Variants in ENTREP2 observed in about 807,000 individuals in gnomAD.
ENTREP2 encodes the protein endosomal transmembrane epsin interactor 2.
chr15:29,604,537 A>ATTATG, the ENTREP2 span, among the ~76,000 whole-genome samples: 354 of 152,344 alleles, frequency 2.3e-3, 3 homozygotes, highest in African/African-American at 8.0e-3. Context: ...TTTCAAGGTA[A>ATTATG]TTATAAATCC....
the ENTREP2 span, among the ~76,000 whole-genome samples, chr15:29,310,056 T>C: frequency 1.3e-5 from 2 of 151,910 alleles, no homozygotes; most frequent in Admixed American, 1.3e-4. Context: ...CAGACAAACA[T>C]CTTATGAGTG....
chr15:29,158,876 G>C, the ENTREP2 span, among the ~76,000 whole-genome samples: 39,779 of 152,038 alleles, frequency 0.26, 5,541 homozygotes, highest in Non-Finnish European at 0.31. Flanking sequence ...AAAAGTTTTA[G>C]ATACTTGGGC....
the ENTREP2 span, among the ~76,000 whole-genome samples, chr15:29,189,973 GA>G: frequency 1.3e-5 from 2 of 152,344 alleles, no homozygotes; most frequent in South Asian, 4.1e-4. Context: ...GGCAGATACT[GA>G]AATCCTAATT....
the ENTREP2 span, among the ~76,000 whole-genome samples, chr15:29,136,096 G>A: frequency 6.6e-6 from 1 of 152,244 alleles, no homozygotes; most frequent in East Asian, 1.9e-4. Context: ...GGGTTCCCCA[G>A]GCCCGGGCTG....
chr15:29,439,157 A>T, the ENTREP2 span, among the ~76,000 whole-genome samples: 1 of 152,080 alleles, frequency 6.6e-6, no homozygotes, highest in Non-Finnish European at 1.5e-5. Flanking sequence ...CGATCCAATC[A>T]CTCTGAGCTA....
the ENTREP2 span, among the ~76,000 whole-genome samples, chr15:29,348,571 C>T: frequency 1.3e-5 from 2 of 152,064 alleles, no homozygotes; most frequent in African/African-American, 4.8e-5. Context: ...GTGGAGTCTT[C>T]GGAGCATTTC....
At chr15:29,412,090 T>A in the ENTREP2 span, among the ~76,000 whole-genome samples, 3 of 152,098 alleles carry the variant, frequency 2.0e-5, no homozygotes, top group Non-Finnish European at 4.4e-5. Context: ...GGTTGTTAAG[T>A]CTTACCCTCC....
At chr15:29,580,439 A>C in the ENTREP2 span, among the ~76,000 whole-genome samples, 1 of 152,204 alleles carries the variant, frequency 6.6e-6, no homozygotes, top group South Asian at 2.1e-4. Flanking sequence ...AGCAAACACT[A>C]AGTGCCAGTT....
the ENTREP2 span, among the ~76,000 whole-genome samples, chr15:29,168,514 C>T: frequency 6.6e-6 from 1 of 152,070 alleles, no homozygotes; most frequent in African/African-American, 2.4e-5. Context: ...AGATCTAGGA[C>T]TGTTTAATTT....
chr15:29,377,823 A>AAATAATAATAATAAT, the ENTREP2 span, among the ~76,000 whole-genome samples: 11,977 of 112,774 alleles, frequency 0.11, 750 homozygotes, highest in Non-Finnish European at 0.12. Flanking sequence ...TCTGTCTCAA[A>AAATAATAATAATAAT]AATAATAATA....
the ENTREP2 span, among the ~76,000 whole-genome samples, chr15:29,604,581 T>C: frequency 1.3e-5 from 2 of 152,222 alleles, no homozygotes; most frequent in Non-Finnish European, 2.9e-5. Context: ...CAAGGAATTA[T>C]AATATCTAGC....
chr15:29,660,190 G>A, the ENTREP2 span, among the ~76,000 whole-genome samples: 2 of 152,196 alleles, frequency 1.3e-5, no homozygotes, highest in African/African-American at 4.8e-5. Flanking sequence ...ATAAATAAAT[G>A]CAAGGATCTT....
At chr15:29,658,254 AT>A in the ENTREP2 span, among the ~76,000 whole-genome samples, 1 of 151,954 alleles carries the variant, frequency 6.6e-6, no homozygotes, top group East Asian at 1.9e-4. Context: ...CTGGGCACTC[AT>A]TTTTTTCTCT....
At chr15:29,647,842 C>CAAG in the ENTREP2 span, among the ~76,000 whole-genome samples, 1 of 152,096 alleles carries the variant, frequency 6.6e-6, no homozygotes. Context: ...ACCATTTTGC[C>CAAG]AAGAGGTGGG....
the ENTREP2 span, among the ~76,000 whole-genome samples, chr15:29,154,645 C>T: frequency 1.2e-4 from 18 of 152,150 alleles, no homozygotes; most frequent in East Asian, 1.7e-3. Flanking sequence ...CAAGAGGAGA[C>T]GGGGAATGCC....
chr15:29,264,778 T>G, the ENTREP2 span, among the ~76,000 whole-genome samples: 3 of 152,190 alleles, frequency 2.0e-5, no homozygotes, highest in Admixed American at 2.0e-4. Flanking sequence ...TGAGGTTATC[T>G]CTAAGTAAAT....
the ENTREP2 span, chr15:29,452,526 G>T: frequency 1.3e-5 from 2 of 152,202 alleles, no homozygotes; most frequent in Non-Finnish European, 2.9e-5. Context: ...GGTAGTATCT[G>T]GCCTATCAGA....
At chr15:29,275,690 A>C in the ENTREP2 span, among the ~76,000 whole-genome samples, 1 of 152,220 alleles carries the variant, frequency 6.6e-6, no homozygotes, top group Non-Finnish European at 1.5e-5. Context: ...TTCGATAGCA[A>C]ATGCCTGCCA....
chr15:29,425,028 T>C, the ENTREP2 span, among the ~76,000 whole-genome samples: 1 of 151,928 alleles, frequency 6.6e-6, no homozygotes, highest in Non-Finnish European at 1.5e-5. Flanking sequence ...TTGTTGTTGT[T>C]GTTTTGTTTT....
Sources: gnomAD v4.1 joint callset for allele counts (sites outside exome capture counted in the v4.1 genomes callset) on GRCh38, gnomAD v4.1.1 for gene constraint, MANE v1.5 for transcripts, NCBI Gene and HGNC (gene_info 2026-07-23, HGNC 2026-07-21) for gene names.